The following ARSG variants were observed in gnomAD, a reference collection of about 807,000 sequenced individuals.
ARSG encodes ASG.
A neutral mutation model predicts 50.5 loss-of-function variants in ARSG; 37 were observed. That is an observed-to-expected ratio of 0.73 (90% CI 0.56 to 0.96). The LOEUF is 0.96. Among genes scored for constraint, ARSG ranks in the 50% least tolerant of loss-of-function variants. ARSG has a pLI of 0.00. For missense variants in ARSG, 629 were observed against 675.3 expected (o/e 0.93, Z 0.76); for synonymous variants, 225 against 254.6 (o/e 0.88, Z 1.11).
intron 1 of ARSG, among the ~76,000 whole-genome samples, chr17:68,260,738 C>T (rs1234295257): frequency 2.0e-5 from 3 of 152,122 alleles, no homozygotes; most frequent in African/African-American, 7.2e-5. Flanking sequence ...AGCAATCTGC[C>T]TGCCTTGGCC....
chr17:68,378,197 C>T lies in ARSG; in HGVS notation c.983-6867C>T, dbSNP rs1183795805. Among the ~76,000 whole-genome samples, 2 of 152,186 alleles carry T rather than the reference C, an allele frequency of 1.3e-5. No homozygotes were observed. The highest frequency in any genetic ancestry group is 4.8e-5 in the African/African-American group (2 of 41,450). On this transcript the variant is annotated intron_variant, in intron 8 of 11. Transcript: ENST00000621439. The surrounding 1 kb of genome is among the most constrained non-coding windows in gnomAD (Gnocchi z 4.4). ...GTTCCCCATCAGTGGGACATCTGCACGGCTCACTGTACAGGGGCCAGACTC... is the reference window on the plus strand; with the variant it reads ...GTTCCCCATCAGTGGGACATCTGCATGGCTCACTGTACAGGGGCCAGACTC...
intron 11 of ARSG, among the ~76,000 whole-genome samples, chr17:68,415,977 G>C (rs1024040523): frequency 7.9e-5 from 12 of 152,110 alleles, no homozygotes; most frequent in Non-Finnish European, 2.9e-5. Flanking sequence ...CTGCTGTTTT[G>C]TATTTTTTTA....
At chr17:68,332,449 C>T (rs1187983211) in intron 2 of ARSG, among the ~76,000 whole-genome samples, 2 of 152,068 alleles carry the variant, frequency 1.3e-5, no homozygotes, top group Non-Finnish European at 2.9e-5. Context: ...TCATCCTCAG[C>T]TTACAAAGAT....
At chr17:68,264,251 C>T (rs376352126) in intron 1 of ARSG, among the ~76,000 whole-genome samples, 1 of 152,134 alleles carries the variant, frequency 6.6e-6, no homozygotes. Flanking sequence ...TTTGAATCTG[C>T]GCCACAAGAA....
chr17:68,436,134 GC>G, the ARSG span, among the ~76,000 whole-genome samples: 2 of 152,212 alleles, frequency 1.3e-5, no homozygotes, highest in East Asian at 3.8e-4. Context: ...GAGACAACTG[GC>G]CCCCTGCTGG....
chr17:68,426,242 T>TGGCGGGGGGGGGGG, downstream of ARSG: 1 of 668,988 alleles, frequency 1.5e-6, no homozygotes, highest in Non-Finnish European at 2.2e-6. Flanking sequence ...ACCTGGCGGG[T>TGGCGGGGGGGGGGG]GGGGAGCGGG....
At chr17:68,294,401 G>C (rs1347708389) in intron 1 of ARSG, among the ~76,000 whole-genome samples, 1 of 152,190 alleles carries the variant, frequency 6.6e-6, no homozygotes, top group African/African-American at 2.4e-5. Context: ...TGGGTTGCTA[G>C]GCAGATATGA....
At chr17:68,435,498 TTC>T in the ARSG span, 1 of 957,508 alleles carries the variant, frequency 1.0e-6, no homozygotes. Context: ...CTGAAACAAA[TTC>T]TGAGTGGGCC....
chr17:68,351,794 G>T (rs1599838978), intron 5 of ARSG, 108 bp downstream of exon 5: 2 of 743,590 alleles, frequency 2.7e-6, no homozygotes, highest in Non-Finnish European at 4.8e-6. Context: ...AGTTAAGACG[G>T]CAAATAAGAT....
chr17:68,375,397 C>T (rs527576359), intron 8 of ARSG, among the ~76,000 whole-genome samples: 2 of 152,210 alleles, frequency 1.3e-5, no homozygotes, highest in Admixed American at 6.5e-5. Context: ...GGCTTCACCC[C>T]GGGCCAAAAG....
downstream of ARSG, chr17:68,421,309 C>T (rs1025828662): frequency 1.9e-5 from 3 of 159,038 alleles, no homozygotes; most frequent in African/African-American, 7.2e-5. Context: ...TTATTAGTGT[C>T]CAAAATGGGA....
At chr17:68,346,343 A>G (rs865879811) in intron 3 of ARSG, among the ~76,000 whole-genome samples, 1 of 152,228 alleles carries the variant, frequency 6.6e-6, no homozygotes, top group South Asian at 2.1e-4. Flanking sequence ...ATAGTTCCTT[A>G]TTGAGGCCAC....
intron 11 of ARSG, among the ~76,000 whole-genome samples, chr17:68,402,649 C>T (rs527810357): frequency 3.9e-5 from 6 of 151,904 alleles, no homozygotes; most frequent in Admixed American, 6.6e-5. Context: ...CTCAGCCTCC[C>T]GAGTAGCTGG....
At chr17:68,324,847 C>T (rs2077440459) in intron 2 of ARSG, among the ~76,000 whole-genome samples, 1 of 152,164 alleles carries the variant, frequency 6.6e-6, no homozygotes, top group African/African-American at 2.4e-5. Context: ...TAGGTCTCAG[C>T]TTACACTTAA....
intron 6 of ARSG, among the ~76,000 whole-genome samples, chr17:68,360,605 A>G (rs986743034): frequency 3.3e-5 from 5 of 152,158 alleles, no homozygotes; most frequent in Admixed American, 3.3e-4. Context: ...CTGAATGCTA[A>G]TGCTTGATTG....
chr17:68,384,308 A>T (rs1334533135), intron 8 of ARSG, among the ~76,000 whole-genome samples: 1 of 152,154 alleles, frequency 6.6e-6, no homozygotes, highest in South Asian at 2.1e-4. Flanking sequence ...TCCATCAAGC[A>T]TGACCTCATG....
chr17:68,420,441 C>T lies in ARSG; in HGVS notation c.1556C>T (p.Ala519Val). 6.2e-7 allele frequency: 1 copy of T among 1,614,024 alleles called. No homozygotes were observed. Among genetic ancestry groups the T allele is most frequent in the Non-Finnish European group, 8.5e-7 (1 of 1,179,870 alleles). ...CCCTGCTGTAATCCCTACCAAATTGCCTGCCGCTGTCAAGCCGCATAACAG... is the reference window on the plus strand; with the variant it reads ...CCCTGCTGTAATCCCTACCAAATTGTCTGCCGCTGTCAAGCCGCATAACAG... ...VTPCCNPYQI[A>V]CRCQAA is the part of the protein sequence containing the mutation. Residue 519 changes from alanine to valine, a missense_variant, in exon 12 of 12, where the codon GCC becomes GTC. Coordinates refer to ENST00000621439, the MANE Select transcript of ARSG (RefSeq NM_001267727.2).
At chr17:68,338,368 T>G (rs938852375) in intron 2 of ARSG, among the ~76,000 whole-genome samples, 6 of 152,192 alleles carry the variant, frequency 3.9e-5, no homozygotes, top group African/African-American at 1.4e-4. Context: ...GCTTTAAAAC[T>G]TCACTTTATC....
chr17:68,369,772 G>T (rs537950945), intron 7 of ARSG, among the ~76,000 whole-genome samples: 18 of 152,300 alleles, frequency 1.2e-4, no homozygotes, highest in Non-Finnish European at 2.2e-4. Flanking sequence ...GTGCATAATA[G>T]ATGCTCAATA....
Sources: allele counts gnomAD v4.1 joint callset (sites outside exome capture counted in the v4.1 genomes callset), GRCh38; gene constraint gnomAD v4.1.1; non-coding constraint Gnocchi (gnomAD v3.1); transcripts MANE v1.5; gene names NCBI Gene and HGNC (gene_info 2026-07-23, HGNC 2026-07-21).